ADAMTS14: variants seen among roughly 807,000 people sequenced by gnomAD.
ADAMTS14 encodes A disintegrin and metalloproteinase with thrombospondin motifs 14.
ADAMTS14 carries 100 observed loss-of-function variants against 128.6 expected under a neutral mutation model. The observed-to-expected ratio is 0.78, with a 90% CI of 0.66 to 0.92. The LOEUF (loss-of-function observed/expected upper bound fraction) is 0.92. Ranked by LOEUF, ADAMTS14 falls within the 40% of genes least tolerant of loss-of-function variation. ADAMTS14 has a pLI of 0.00. For synonymous variants in ADAMTS14, 665 were observed against 653.8 expected (o/e 1.02, Z -0.26); for missense variants, 1,562 against 1,658.6 (o/e 0.94, Z 1.01).
chr10:70,710,235 T>G (rs1840806071), intron 4 of ADAMTS14, among the ~76,000 whole-genome samples: 1 of 152,252 alleles, frequency 6.6e-6, no homozygotes, highest in African/African-American at 2.4e-5. Context: ...GCAGGTGCCC[T>G]TCACCTCTGA....
At chr10:70,692,454 TC>T (rs775590437) in intron 2 of ADAMTS14, among the ~76,000 whole-genome samples, 3 of 152,066 alleles carry the variant, frequency 2.0e-5, no homozygotes, top group Non-Finnish European at 4.4e-5. Flanking sequence ...GGTGTTTCCC[TC>T]CCCAGCGAAG....
chr10:70,716,480 GT>G (rs1380657006), intron 4 of ADAMTS14, among the ~76,000 whole-genome samples: 1 of 152,222 alleles, frequency 6.6e-6, no homozygotes, highest in Non-Finnish European at 1.5e-5. Context: ...AGGACGGACA[GT>G]CAAACTTCCC....
chr10:70,744,125 C>T lies in ADAMTS14; in HGVS notation c.2118C>T (p.Cys706=), dbSNP rs375806495. ...SMKADDKCGV[C]GGDNSHCRTV... is the part of the protein sequence containing the mutation. The stretch of plus-strand genomic sequence containing the variant: ...AGGCGGATGACAAGTGTGGAGTCTG[C>T]GGGGGTGACAACTCCCACTGCAGGA... Residue 706 remains cysteine (C), a synonymous_variant, in exon 14 of 22, where the codon TGC becomes TGT. Transcript: ENST00000373207. 1.5e-4 allele frequency: 230 copies of T among 1,561,764 alleles called. No individual in the cohort carries two copies. The highest frequency in any genetic ancestry group is 1.8e-4 in the Non-Finnish European group (211 of 1,152,990).
chr10:70,750,395 C>A (rs1451179479), intron 16 of ADAMTS14, among the ~76,000 whole-genome samples: 4 of 152,160 alleles, frequency 2.6e-5, no homozygotes, highest in Non-Finnish European at 5.9e-5. Context: ...GAGCTCCAGC[C>A]TCCTGAAAAG....
intron 2 of ADAMTS14, among the ~76,000 whole-genome samples, chr10:70,675,332 TG>T (rs1839613091): frequency 6.6e-6 from 1 of 152,134 alleles, no homozygotes; most frequent in African/African-American, 2.4e-5. Context: ...AACCTCTCTG[TG>T]GTTCTTTCCC....
At chr10:70,754,328 G>A (rs1842430134) in intron 19 of ADAMTS14, among the ~76,000 whole-genome samples, 1 of 152,174 alleles carries the variant, frequency 6.6e-6, no homozygotes, top group African/African-American at 2.4e-5. Context: ...GCCAGACCTT[G>A]TACTAAGAAT....
At chr10:70,730,009 A>G in intron 5 of ADAMTS14, 93 bp from the exon 6 acceptor site, 1 of 1,443,280 alleles carries the variant, frequency 6.9e-7, no homozygotes, top group Non-Finnish European at 9.3e-7. Flanking sequence ...TCTGGGCCTT[A>G]GCGTTCCCAT....
chr10:70,754,505 C>CAG (rs925032422), intron 19 of ADAMTS14, among the ~76,000 whole-genome samples: 15 of 152,174 alleles, frequency 9.9e-5, no homozygotes, highest in African/African-American at 3.4e-4. Context: ...GGAGGGCGGT[C>CAG]AGAGGGCTTC....
chr10:70,675,508 GC>G (rs1374641982), intron 2 of ADAMTS14, among the ~76,000 whole-genome samples: 3 of 152,268 alleles, frequency 2.0e-5, no homozygotes. Flanking sequence ...CGTGGCGTGG[GC>G]ACAGTTAGCG....
chr10:70,715,974 A>G (rs1360549613), intron 4 of ADAMTS14, among the ~76,000 whole-genome samples: 1 of 152,080 alleles, frequency 6.6e-6, no homozygotes, highest in Non-Finnish European at 1.5e-5. Context: ...AGGCTCAGTA[A>G]CCCATTCTAA....
At chr10:70,739,035 C>T in intron 11 of ADAMTS14, 45 bp downstream of exon 11, 1 of 1,564,486 alleles carries the variant, frequency 6.4e-7, no homozygotes, top group Non-Finnish European at 8.6e-7. Flanking sequence ...AGTCCCTCCC[C>T]AGGGCGGAGG....
chr10:70,719,586 A>T lies in ADAMTS14; in HGVS notation c.871-9708A>T, dbSNP rs557903393. Among the ~76,000 whole-genome samples the T allele has an allele frequency of 9.9e-3, 1,459 of 148,102 alleles. 14 individuals carry two copies. The highest frequency in any genetic ancestry group is 0.026 in the African/African-American group (1,028 of 40,176). Reference sequence around the variant, plus strand: ...CCAGCTAATTTTTATTTTTTTTTTTAAAAAATAGACAAGGTCTCACTACGT... The same window carrying T: ...CCAGCTAATTTTTATTTTTTTTTTTTAAAAATAGACAAGGTCTCACTACGT... On this transcript the variant is annotated intron_variant, in intron 4 of 21. Coordinates refer to ENST00000373207, the MANE Select transcript of ADAMTS14 (RefSeq NM_080722.4).
chr10:70,741,097 A>G lies in ADAMTS14; in HGVS notation c.1859A>G (p.Lys620Arg). The part of the protein sequence containing the change: ...YEDFRAQQCA[K>R]RNSYYVHQNA... Reference sequence around the variant, plus strand: ...GACTTCCGGGCCCAGCAGTGTGCCAAGCGCAACTCCTACTATGTGCACCAG... The same window carrying G: ...GACTTCCGGGCCCAGCAGTGTGCCAGGCGCAACTCCTACTATGTGCACCAG... The change falls in exon 12 of 22, where the codon AAG becomes AGG. Residue 620 changes from lysine to arginine, a missense_variant. Lys to Arg is a conservative substitution (Grantham distance 26). Coordinates refer to ENST00000373207, the MANE Select transcript of ADAMTS14 (RefSeq NM_080722.4). The G allele has an allele frequency of 6.2e-7, 1 of 1,613,968 alleles. No homozygotes were observed. The highest frequency in any genetic ancestry group is 8.5e-7 in the Non-Finnish European group (1 of 1,179,988).
At chr10:70,745,328 G>A in intron 15 of ADAMTS14, 22 bp downstream of exon 15, 1 of 1,611,106 alleles carries the variant, frequency 6.2e-7, no homozygotes. Context: ...GGTGCTGGGA[G>A]GGGACAGCAG....
At chr10:70,673,020 GTCTTT>G (rs1839529015) in intron 1 of ADAMTS14, 136 bp downstream of exon 1, 2 of 1,250,300 alleles carry the variant, frequency 1.6e-6, no homozygotes, top group Non-Finnish European at 2.0e-6. Context: ...CTGATTTGCT[GTCTTT>G]TCTTCCACTG....
chr10:70,719,367 T>TACACACACACAC (rs61607600), intron 4 of ADAMTS14, among the ~76,000 whole-genome samples: 1 of 142,112 alleles, frequency 7.0e-6, no homozygotes, highest in Admixed American at 7.0e-5. Context: ...ACTCCACAAA[T>TACACACACACAC]ACACACACAC....
intron 15 of ADAMTS14, among the ~76,000 whole-genome samples, chr10:70,747,864 ATGTG>A (rs1346274613): frequency 6.6e-6 from 1 of 151,896 alleles, no homozygotes; most frequent in Non-Finnish European, 1.5e-5. Context: ...ACGTGTGAAT[ATGTG>A]TGTGTGAGTG....
At chr10:70,704,398 C>T (rs1358300551) in intron 3 of ADAMTS14, among the ~76,000 whole-genome samples, 1 of 151,486 alleles carries the variant, frequency 6.6e-6, no homozygotes, top group African/African-American at 2.4e-5. Flanking sequence ...AAACACAGAC[C>T]CATATACCCG....
At chr10:70,735,955 AC>A (rs1841814294) in intron 9 of ADAMTS14, among the ~76,000 whole-genome samples, 1 of 151,986 alleles carries the variant, frequency 6.6e-6, no homozygotes, top group Admixed American at 6.5e-5. Flanking sequence ...GCTTCATACT[AC>A]CCATCAGGGA....
Sources: allele counts gnomAD v4.1 joint callset (sites outside exome capture counted in the v4.1 genomes callset), GRCh38; gene constraint gnomAD v4.1.1; transcripts MANE v1.5; gene names NCBI Gene and HGNC (gene_info 2026-07-23, HGNC 2026-07-21).